ASPSCR1: variants seen among roughly 807,000 people sequenced by gnomAD.
ASPSCR1 encodes tether containing UBX domain for GLUT4.
A neutral mutation model predicts 68.9 loss-of-function variants in ASPSCR1; 55 were observed. That is an observed-to-expected ratio of 0.80 (90% CI 0.64 to 1.00). The LOEUF is 1.00. Among genes scored for constraint, ASPSCR1 ranks in the 50% least tolerant of loss-of-function variants. The pLI is 0.00. For synonymous variants in ASPSCR1, 352 were observed against 332.6 expected (o/e 1.06, Z -0.63); for missense variants, 765 against 762.2 (o/e 1.00, Z -0.04).
chr17:82,014,771 C>G (rs537485259), intron 12 of ASPSCR1: 2 of 465,360 alleles, frequency 4.3e-6, no homozygotes, highest in Non-Finnish European at 7.8e-6. Context: ...GGCCTCCTTT[C>G]GGAAGCTCTT....
At chr17:82,010,258 G>GGT (rs1439854413) in intron 9 of ASPSCR1, among the ~76,000 whole-genome samples, 1 of 150,754 alleles carries the variant, frequency 6.6e-6, no homozygotes, top group African/African-American at 2.4e-5. Flanking sequence ...AGCCGGGCGT[G>GGT]GTGGCTCACG....
chr17:81,979,355 C>T, intron 2 of ASPSCR1, 116 bp downstream of exon 2: 1 of 1,178,074 alleles, frequency 8.5e-7, no homozygotes, highest in African/African-American at 1.5e-5. Context: ...CATATATTCC[C>T]TCCCAACTCT....
At chr17:81,997,903 T>C (rs907936907) in intron 7 of ASPSCR1, among the ~76,000 whole-genome samples, 2 of 148,668 alleles carry the variant, frequency 1.3e-5, no homozygotes, top group African/African-American at 5.0e-5. Context: ...TTCGGCTCAC[T>C]GTAACCTCCA....
Position 81,990,617 on chromosome 17 carries a change from C to G in ASPSCR1, c.375-4204C>G, listed in dbSNP as rs990105625. Among the ~76,000 whole-genome samples the G allele has an allele frequency of 6.6e-6, 1 of 152,046 alleles. No individual in the cohort carries two copies. The highest frequency in any genetic ancestry group is 1.5e-5 in the Non-Finnish European group (1 of 68,012). The stretch of plus-strand genomic sequence containing the variant: ...ACTGCTCTCTGCCTGCCTGGTGGGC[C>G]TGTGTCTAGTTTGAGATCTTTATTA... On this transcript the variant is annotated intron_variant, in intron 4 of 15. Coordinates refer to ENST00000306739, the MANE Select transcript of ASPSCR1 (RefSeq NM_024083.4). This position sits in a 1 kb window ranked among gnomAD's most constrained non-coding sequence, Gnocchi z 4.1.
chr17:82,015,179 C>T (rs761793658), intron 12 of ASPSCR1: 88 of 1,598,134 alleles, frequency 5.5e-5, no homozygotes, highest in Non-Finnish European at 6.9e-5. Flanking sequence ...GAGATGGAGG[C>T]GACGTGGACT....
rs755510254 is a variant in ASPSCR1, at chr17:82,011,620, C to T, written c.1300+15C>T. ...ATTTTACCTGTGTACGTTTTTTCTCCTGAGCCCACTCCTGCCTCCAGTGCT... is the reference window on the plus strand; with the variant it reads ...ATTTTACCTGTGTACGTTTTTTCTCTTGAGCCCACTCCTGCCTCCAGTGCT... On this transcript the variant is annotated intron_variant, in intron 11 of 15. Coordinates refer to ENST00000306739, the MANE Select transcript of ASPSCR1 (RefSeq NM_024083.4). The T allele has an allele frequency of 1.9e-6, 3 of 1,603,694 alleles. No individual in the cohort carries two copies. Among genetic ancestry groups the T allele is most frequent in the South Asian group, 2.2e-5 (2 of 89,868 alleles).
intron 12 of ASPSCR1, chr17:82,015,318 C>T (rs747848543): frequency 1.9e-5 from 30 of 1,598,164 alleles, no homozygotes; most frequent in Admixed American, 1.8e-4. Flanking sequence ...CGATCCCTCC[C>T]GAGTCAAGGC....
Position 82,010,073 on chromosome 17 carries a change from G to A in ASPSCR1, c.1170+506G>A, listed in dbSNP as rs190441289. The A allele has an allele frequency of 1.2e-3, 395 of 325,160 alleles. 1 individual carries two copies. Among genetic ancestry groups the A allele is most frequent in the African/African-American group, 9.0e-3 (365 of 40,452 alleles). 20.1% of individuals were successfully genotyped at this position (325,160 alleles called of 1,614,324 possible). On this transcript the variant is annotated intron_variant, in intron 9 of 15. Coordinates refer to ENST00000306739, the MANE Select transcript of ASPSCR1 (RefSeq NM_024083.4). Reference sequence around the variant, plus strand: ...TTCAGGTACCCGCTACCACTAGCTCGGCTAATTTTTGTTGTTTTTTTTTTT... The same window carrying A: ...TTCAGGTACCCGCTACCACTAGCTCAGCTAATTTTTGTTGTTTTTTTTTTT...
At chr17:81,982,655 G>A (rs964588007) in intron 2 of ASPSCR1, 9 of 152,324 alleles carry the variant, frequency 5.9e-5, no homozygotes, top group East Asian at 3.9e-4. Flanking sequence ...AGTTGTCTCC[G>A]ACAGCAGCTT....
Position 81,996,044 on chromosome 17 carries a change from C to G in ASPSCR1, c.485C>G (p.Thr162Ser). ...ACGACGCTGCAGTCGCTGGGCCTGA[C>G]CGGGGGCAGCGCCACCATCAGGTAA... is the stretch of plus-strand genomic sequence containing the variant. ...RGTTLQSLGL[T>S]GGSATIRFVM... is the part of the protein sequence containing the mutation. Residue 162 changes from threonine (T) to serine (S), a missense_variant, in exon 6 of 16, where the codon ACC becomes AGC. By Grantham distance (58) the Thr-to-Ser change is moderately conservative. Coordinates refer to ENST00000306739, the MANE Select transcript of ASPSCR1 (RefSeq NM_024083.4). 6.2e-7 allele frequency: 1 copy of G among 1,609,486 alleles called. No homozygotes were observed. The highest frequency in any genetic ancestry group is 2.2e-5 in the East Asian group (1 of 44,760).
In ASPSCR1 at chr17:82,012,275, C is replaced by G; in HGVS notation, c.1345C>G (p.Leu449Val). The change falls in exon 12 of 16, where the codon CTC becomes GTC. Residue 449 changes from leucine (L) to valine (V), a missense_variant. Physicochemically the swap from Leu to Val is conservative, Grantham distance 32. Coordinates refer to ENST00000306739, the MANE Select transcript of ASPSCR1 (RefSeq NM_024083.4). ...KTVLDDHTQT[L>V]FQANLFPAAL... ...AGTCCTGGACGACCACACGCAGACC[C>G]TCTTTCAGGTACCTGAGGGCCTCCC... The G allele has an allele frequency of 6.2e-7, 1 of 1,613,494 alleles. No homozygotes were observed. Among genetic ancestry groups the G allele is most frequent in the Non-Finnish European group, 8.5e-7 (1 of 1,179,900 alleles).
intron 3 of ASPSCR1, among the ~76,000 whole-genome samples, chr17:81,984,936 C>CA (rs1165012457): frequency 8.0e-6 from 1 of 125,022 alleles, no homozygotes; most frequent in Non-Finnish European, 1.7e-5. Flanking sequence ...CACCCCCACA[C>CA]CCGCACACAC....
chr17:81,993,465 G>A (rs976998824), intron 4 of ASPSCR1, among the ~76,000 whole-genome samples: 28 of 152,116 alleles, frequency 1.8e-4, no homozygotes, highest in African/African-American at 4.1e-4. Flanking sequence ...CGCCCATCTC[G>A]GCCTCCCAAA....
At position 82,012,316 on chromosome 17, in the gene ASPSCR1, C is replaced by T. The variant is rs766001170; in HGVS notation, c.1353+33C>T. ...AGGGCCTCCCTGGGGTGCTGCGGGG[C>T]GGGGCCCTCCAGGGAGGGCAGGACG... On this transcript the variant is annotated intron_variant, in intron 12 of 15. Coordinates refer to ENST00000306739, the MANE Select transcript of ASPSCR1 (RefSeq NM_024083.4). The T allele has an allele frequency of 3.6e-5, 57 of 1,604,858 alleles. No homozygotes were observed. The African/African-American group carries it at 4.7e-4, about 13-fold the overall frequency.
Position 82,010,791 on chromosome 17 carries a change from G to A in ASPSCR1, c.1171-11G>A. ...GGCCGTCCCTCCAACCCTTCCACTT[G>A]TCTGGCCTAGGTGGCTCTGAGGGTC... On this transcript the variant is annotated splice_polypyrimidine_tract_variant and intron_variant, in intron 9 of 15. Transcript: ENST00000306739. 6.2e-7 allele frequency: 1 copy of A among 1,612,868 alleles called. No individual in the cohort carries two copies. Among genetic ancestry groups the A allele is most frequent in the East Asian group, 2.2e-5 (1 of 44,866 alleles).
At chr17:82,008,707 C>T (rs1445349868) in intron 7 of ASPSCR1, 3 of 270,184 alleles carry the variant, frequency 1.1e-5, no homozygotes, top group East Asian at 6.2e-5. Context: ...CGCCACCCCT[C>T]CCCCCCATGG....
chr17:82,000,249 C>T lies in ASPSCR1; in HGVS notation c.933+3403C>T, dbSNP rs189405220. On this transcript the variant is annotated intron_variant, in intron 7 of 15. Coordinates refer to ENST00000306739, the MANE Select transcript of ASPSCR1 (RefSeq NM_024083.4). ...CGGGTCTTGTCTGCAGAGCGTGGGGCGTGGAGCATGGGGCTCGCAGCCCAG... is the reference window on the plus strand; with the variant it reads ...CGGGTCTTGTCTGCAGAGCGTGGGGTGTGGAGCATGGGGCTCGCAGCCCAG... Among the ~76,000 whole-genome samples, 5 of 152,352 alleles carry T rather than the reference C, an allele frequency of 3.3e-5. No homozygotes were observed. The East Asian group carries it at 9.7e-4, about 29-fold the overall frequency.
At chr17:81,988,802 G>C (rs1461553717) in intron 4 of ASPSCR1, among the ~76,000 whole-genome samples, 2 of 152,132 alleles carry the variant, frequency 1.3e-5, no homozygotes, top group African/African-American at 2.4e-5. Context: ...AGGGCATCCC[G>C]GGCAGGGTTG....
chr17:81,983,539 T>C lies in ASPSCR1; in HGVS notation c.159-15T>C. 6.3e-7 allele frequency: 1 copy of C among 1,595,322 alleles called. No individual in the cohort carries two copies. Among genetic ancestry groups the C allele is most frequent in the Non-Finnish European group, 8.6e-7 (1 of 1,166,258 alleles). ...GCTCTGCAGGGCAGCAAGTGTGCTC[T>C]GGTCTGTCTTGCAGGTTTCAGAGGA... On this transcript the variant is annotated splice_polypyrimidine_tract_variant and intron_variant, in intron 2 of 15. Coordinates refer to ENST00000306739, the MANE Select transcript of ASPSCR1 (RefSeq NM_024083.4). This position sits in a 1 kb window ranked among gnomAD's most constrained non-coding sequence, Gnocchi z 4.4.
Sources: gnomAD v4.1 joint callset for allele counts (sites outside exome capture counted in the v4.1 genomes callset) on GRCh38, gnomAD v4.1.1 for gene constraint, Gnocchi (gnomAD v3.1) non-coding constraint, MANE v1.5 for transcripts, NCBI Gene and HGNC (gene_info 2026-07-23, HGNC 2026-07-21) for gene names.